The following LDLRAD4 variants were observed in gnomAD, a reference collection of about 807,000 sequenced individuals.
The protein encoded by LDLRAD4 is low-density lipoprotein receptor class A domain-containing protein 4.
A neutral mutation model predicts 17.0 loss-of-function variants in LDLRAD4; 5 were observed. That is an observed-to-expected ratio of 0.29 (90% CI 0.15 to 0.62). The LOEUF (loss-of-function observed/expected upper bound fraction) is 0.62. Ranked by LOEUF, LDLRAD4 falls within the 20% of genes least tolerant of loss-of-function variation. LDLRAD4 has a pLI of 0.84. For missense variants in LDLRAD4, 340 were observed against 424.7 expected, an observed-to-expected ratio of 0.80 and a Z score of 1.75; for synonymous variants, 168 against 171.8, an observed-to-expected ratio of 0.98 and a Z score of 0.17.
At chr18:13,557,631 A>G (rs1057190937) in intron 3 of LDLRAD4, among the ~76,000 whole-genome samples, 3 of 152,192 alleles carry the variant, frequency 2.0e-5, no homozygotes, top group Non-Finnish European at 4.4e-5. Flanking sequence ...CGATCTCCTG[A>G]CCTCATGATC....
At chr18:13,572,874 C>T (rs1415851030) in intron 3 of LDLRAD4, among the ~76,000 whole-genome samples, 2 of 152,226 alleles carry the variant, frequency 1.3e-5, no homozygotes, top group Non-Finnish European at 2.9e-5. Flanking sequence ...CCTGTCCCTT[C>T]CCGATAGCAG....
intron 3 of LDLRAD4, among the ~76,000 whole-genome samples, chr18:13,484,493 T>A (rs1247726814): frequency 6.6e-6 from 1 of 152,100 alleles, no homozygotes; most frequent in Non-Finnish European, 1.5e-5. Context: ...TGCCAGCTAC[T>A]CCGAGCTACT....
At chr18:13,534,806 A>G (rs545037719) in intron 3 of LDLRAD4, among the ~76,000 whole-genome samples, 1 of 152,296 alleles carries the variant, frequency 6.6e-6, no homozygotes, top group East Asian at 1.9e-4. Context: ...ATCTCCCTGA[A>G]AAGTTGGCTC....
intron 1 of LDLRAD4, among the ~76,000 whole-genome samples, chr18:13,224,403 C>G (rs1230245222): frequency 6.6e-6 from 1 of 151,736 alleles, no homozygotes; most frequent in African/African-American, 2.4e-5. Flanking sequence ...ATGCCCCCAC[C>G]AGCTGTCTCT....
At chr18:13,545,851 G>A (rs1415988775) in intron 3 of LDLRAD4, among the ~76,000 whole-genome samples, 2 of 152,234 alleles carry the variant, frequency 1.3e-5, no homozygotes, top group African/African-American at 4.8e-5. Flanking sequence ...AATGGGGCAG[G>A]ATGGAGGCTG....
chr18:13,467,087 C>T (rs981253251), intron 3 of LDLRAD4, among the ~76,000 whole-genome samples: 1 of 152,150 alleles, frequency 6.6e-6, no homozygotes, highest in Non-Finnish European at 1.5e-5. Flanking sequence ...AGACAAGGAA[C>T]AAGAGAGGAT....
At chr18:13,362,609 A>G (rs572585322) in intron 1 of LDLRAD4, 1 of 152,396 alleles carries the variant, frequency 6.6e-6, no homozygotes, top group East Asian at 1.9e-4. Flanking sequence ...AACACATCTT[A>G]GAAGGCAAAT....
At chr18:13,601,631 G>A (rs1383975499) in intron 3 of LDLRAD4, among the ~76,000 whole-genome samples, 3 of 148,520 alleles carry the variant, frequency 2.0e-5, no homozygotes, top group Non-Finnish European at 4.4e-5. Context: ...TCCAGCCTGG[G>A]CGACAGAGTG....
intron 1 of LDLRAD4, among the ~76,000 whole-genome samples, chr18:13,272,796 G>A (rs2044640380): frequency 6.6e-6 from 1 of 152,242 alleles, no homozygotes; most frequent in Non-Finnish European, 1.5e-5. Flanking sequence ...GAGACCTCCT[G>A]TTGCTCTTGA....
chr18:13,338,576 G>A (rs961989956), intron 1 of LDLRAD4, among the ~76,000 whole-genome samples: 1 of 152,228 alleles, frequency 6.6e-6, no homozygotes, highest in African/African-American at 2.4e-5. Context: ...AGGTTCTGGT[G>A]AAAATAGAAT....
chr18:13,611,808 C>T lies in LDLRAD4; in HGVS notation c.182-9309C>T, dbSNP rs548304015. 156 of 985,594 alleles carry T rather than the reference C, an allele frequency of 1.6e-4. 1 individual carries two copies. The African/African-American group carries it at 2.5e-3, about 16-fold the overall frequency. 61.1% of individuals were successfully genotyped at this position (985,594 alleles called of 1,614,324 possible). ...AGAGCGAGCCGGGGGGAAAGGAGCGCGCAGTGTTTCCTGCTGCGGTTAGGA... is the reference window on the plus strand; with the variant it reads ...AGAGCGAGCCGGGGGGAAAGGAGCGTGCAGTGTTTCCTGCTGCGGTTAGGA... On this transcript the variant is annotated intron_variant, in intron 3 of 5. Coordinates refer to ENST00000359446, the Ensembl canonical transcript of LDLRAD4.
At chr18:13,295,734 G>A (rs1435577623) in intron 1 of LDLRAD4, among the ~76,000 whole-genome samples, 1 of 152,230 alleles carries the variant, frequency 6.6e-6, no homozygotes, top group African/African-American at 2.4e-5. Context: ...TAGCATAGCT[G>A]CTGTGGCTTA....
intron 1 of LDLRAD4, among the ~76,000 whole-genome samples, chr18:13,290,392 A>G (rs1220966506): frequency 3.9e-5 from 6 of 152,194 alleles, no homozygotes; most frequent in Non-Finnish European, 7.4e-5. Context: ...TTCTCCAACT[A>G]TCTCAATATA....
chr18:13,264,172 G>A (rs1320799135), intron 1 of LDLRAD4, among the ~76,000 whole-genome samples: 2 of 152,140 alleles, frequency 1.3e-5, no homozygotes, highest in Non-Finnish European at 2.9e-5. Flanking sequence ...GGTGGGTACC[G>A]TTTGAAAGAG....
chr18:13,309,237 TG>T (rs1449132693), intron 1 of LDLRAD4, among the ~76,000 whole-genome samples: 1 of 152,202 alleles, frequency 6.6e-6, no homozygotes, highest in Non-Finnish European at 1.5e-5. Context: ...GGAAGACCTC[TG>T]GCTTTGCTGG....
At chr18:13,362,968 G>T (rs990735743) in intron 1 of LDLRAD4, among the ~76,000 whole-genome samples, 3 of 152,066 alleles carry the variant, frequency 2.0e-5, no homozygotes, top group Non-Finnish European at 4.4e-5. Context: ...CCAGTTCTGT[G>T]CTCTGTCGTT....
At chr18:13,463,985 A>C (rs1021901907) in intron 3 of LDLRAD4, among the ~76,000 whole-genome samples, 1 of 152,242 alleles carries the variant, frequency 6.6e-6, no homozygotes, top group African/African-American at 2.4e-5. Context: ...AATCTAGTCC[A>C]AGAAACTGGG....
At chr18:13,543,847 G>A (rs916879265) in intron 3 of LDLRAD4, among the ~76,000 whole-genome samples, 3 of 152,210 alleles carry the variant, frequency 2.0e-5, no homozygotes, top group East Asian at 1.9e-4. Context: ...GACCGCCAAC[G>A]GGGCTACCTG....
At chr18:13,651,041 G>C (rs1329110149) in exon 6 of LDLRAD4, 1 of 152,214 alleles carries the variant, frequency 6.6e-6, no homozygotes, top group Admixed American at 6.5e-5. Flanking sequence ...TTTTAGTAAT[G>C]CTCAGCTGGA....
Sources: gnomAD v4.1 joint callset for allele counts (sites outside exome capture counted in the v4.1 genomes callset) on GRCh38, gnomAD v4.1.1 for gene constraint, MANE v1.5 for transcripts, NCBI Gene and HGNC (gene_info 2026-07-23, HGNC 2026-07-21) for gene names.